FSTL5: variants seen among roughly 807,000 people sequenced by gnomAD.
The protein encoded by FSTL5 is follistatin-related protein 5.
FSTL5 carries 62 observed loss-of-function variants against 89.1 expected under a neutral mutation model. The ratio of observed to expected loss-of-function variants is 0.70; its 90% CI spans 0.57 to 0.86. FSTL5 has a LOEUF of 0.86. FSTL5 is among the 40% of genes least tolerant of loss of function. The pLI, the probability that FSTL5 is intolerant of heterozygous loss-of-function variation, is 0.00. For missense variants in FSTL5, 1,057 were observed against 1,001.6 expected (o/e 1.06, Z -0.75); for synonymous variants, 383 against 346.2 (o/e 1.11, Z -1.18).
chr4:161,966,727 C>T (rs1735337311), intron 3 of FSTL5, among the ~76,000 whole-genome samples: 1 of 152,050 alleles, frequency 6.6e-6, no homozygotes, highest in Admixed American at 6.6e-5. Context: ...GCCCTGCTGA[C>T]ACGTCCATCT....
intron 3 of FSTL5, among the ~76,000 whole-genome samples, chr4:161,962,190 G>C (rs1157739692): frequency 6.6e-6 from 1 of 151,650 alleles, no homozygotes; most frequent in Non-Finnish European, 1.5e-5. Context: ...ATTATTCCTA[G>C]TATTATTTAA....
At chr4:161,613,958 TCA>T (rs1734749877) in intron 7 of FSTL5, among the ~76,000 whole-genome samples, 1 of 152,172 alleles carries the variant, frequency 6.6e-6, no homozygotes, top group Admixed American at 6.5e-5. Flanking sequence ...TTATTTCGAA[TCA>T]CTATATATTA....
intron 15 of FSTL5, chr4:161,386,697 CATCTAGTTA>C (rs902596721): frequency 1.1e-4 from 46 of 427,694 alleles, no homozygotes; most frequent in African/African-American, 8.8e-4. Flanking sequence ...AAAAGCAATA[CATCTAGTTA>C]ATTGCAGCAA....
At chr4:161,762,076 T>C (rs910210765) in intron 5 of FSTL5, among the ~76,000 whole-genome samples, 1 of 152,204 alleles carries the variant, frequency 6.6e-6, no homozygotes, top group East Asian at 1.9e-4. Flanking sequence ...ACATATTTAA[T>C]GTAGAATGTT....
chr4:162,140,176 A>G (rs1212499791), intron 1 of FSTL5, among the ~76,000 whole-genome samples: 1 of 152,176 alleles, frequency 6.6e-6, no homozygotes, highest in East Asian at 1.9e-4. Context: ...CATACTGCTG[A>G]TGAGAATGTA....
intron 6 of FSTL5, among the ~76,000 whole-genome samples, chr4:161,758,415 C>A (rs1465389815): frequency 6.6e-6 from 1 of 151,930 alleles, no homozygotes; most frequent in African/African-American, 2.4e-5. Context: ...TTTCTAATAC[C>A]AACTAATAAA....
intron 12 of FSTL5, among the ~76,000 whole-genome samples, chr4:161,493,598 A>AAAATGTTTTGATGTTT (rs1338484489): frequency 6.6e-6 from 1 of 152,080 alleles, no homozygotes; most frequent in Non-Finnish European, 1.5e-5. Flanking sequence ...AATCTCAAGT[A>AAAATGTTTTGATGTTT]AAATGTTTTG....
chr4:162,130,546 T>C (rs1732258798), intron 1 of FSTL5, among the ~76,000 whole-genome samples: 1 of 152,194 alleles, frequency 6.6e-6, no homozygotes, highest in African/African-American at 2.4e-5. Flanking sequence ...CATTCCTAGT[T>C]TTTTGTGTTT....
At chr4:162,007,272 AT>A (rs1736640276) in intron 3 of FSTL5, among the ~76,000 whole-genome samples, 1 of 151,938 alleles carries the variant, frequency 6.6e-6, no homozygotes, top group Non-Finnish European at 1.5e-5. Context: ...ACCTAAAGTT[AT>A]TTATGCCAAA....
chr4:161,716,413 A>G (rs745751399), intron 6 of FSTL5, among the ~76,000 whole-genome samples: 1 of 152,074 alleles, frequency 6.6e-6, no homozygotes, highest in Non-Finnish European at 1.5e-5. Context: ...CCTGGCCAAC[A>G]TGGCAAAACC....
intron 2 of FSTL5, among the ~76,000 whole-genome samples, chr4:162,066,976 T>C (rs555087185): frequency 5.3e-5 from 8 of 151,610 alleles, no homozygotes; most frequent in Non-Finnish European, 1.2e-4. Context: ...TCAAATGGTA[T>C]TAGTTCTAGA....
At position 162,062,005 on chromosome 4, in the gene FSTL5, C is replaced by T. The variant is rs1015131484; in HGVS notation, c.127-28347G>A. On this transcript the variant is annotated intron_variant, in intron 2 of 15. Coordinates refer to ENST00000306100, the MANE Select transcript of FSTL5 (RefSeq NM_020116.5). ...GTTTTAAAGTGTTAAATAAATGACTCATAATTTTAAGAGCTTATTCTTTAG... is the reference window on the plus strand; with the variant it reads ...GTTTTAAAGTGTTAAATAAATGACTTATAATTTTAAGAGCTTATTCTTTAG... Among the ~76,000 whole-genome samples, 11 of 152,054 alleles carry T rather than the reference C, an allele frequency of 7.2e-5. 1 individual carries two copies. The highest frequency in any genetic ancestry group is 7.4e-5 in the Non-Finnish European group (5 of 67,930).
chr4:161,882,657 G>C (rs1472685870), intron 4 of FSTL5, among the ~76,000 whole-genome samples: 1 of 152,058 alleles, frequency 6.6e-6, no homozygotes, highest in Non-Finnish European at 1.5e-5. Context: ...AATACATCTA[G>C]AGTATGTTCC....
chr4:162,128,920 C>CTTTT (rs11317941), intron 1 of FSTL5, among the ~76,000 whole-genome samples: 1 of 129,026 alleles, frequency 7.8e-6, no homozygotes, highest in African/African-American at 2.8e-5. Context: ...CTGTTTGAGA[C>CTTTT]TTTTTTTTTT....
At chr4:162,123,180 CA>C (rs1299178473) in intron 1 of FSTL5, among the ~76,000 whole-genome samples, 2 of 151,884 alleles carry the variant, frequency 1.3e-5, no homozygotes, top group East Asian at 3.9e-4. Context: ...ATTTATTGTA[CA>C]AGAAAAAAAA....
chr4:162,089,644 A>G (rs999896514), intron 2 of FSTL5, among the ~76,000 whole-genome samples: 8 of 126,296 alleles, frequency 6.3e-5, no homozygotes, highest in African/African-American at 2.1e-4. Flanking sequence ...AAAAAAAAAA[A>G]AAAAAAGAAA....
At chr4:161,471,233 A>G (rs1478463727) in intron 13 of FSTL5, among the ~76,000 whole-genome samples, 1 of 152,204 alleles carries the variant, frequency 6.6e-6, no homozygotes, top group Non-Finnish European at 1.5e-5. Context: ...GTTTCTTCCC[A>G]TTCCTAGTTT....
chr4:161,763,322 A>G (rs962910236), intron 5 of FSTL5, among the ~76,000 whole-genome samples: 2 of 152,200 alleles, frequency 1.3e-5, no homozygotes, highest in African/African-American at 4.8e-5. Flanking sequence ...AAGTGATATA[A>G]AAATAAATAA....
intron 2 of FSTL5, among the ~76,000 whole-genome samples, chr4:162,100,891 C>G (rs1472909316): frequency 6.6e-6 from 1 of 152,128 alleles, no homozygotes; most frequent in East Asian, 1.9e-4. Flanking sequence ...CAAGAGAAAG[C>G]AAACCACACT....
Sources: gnomAD v4.1 joint callset for allele counts (sites outside exome capture counted in the v4.1 genomes callset) on GRCh38, gnomAD v4.1.1 for gene constraint, MANE v1.5 for transcripts, NCBI Gene and HGNC (gene_info 2026-07-23, HGNC 2026-07-21) for gene names.